Variants in BORA observed in about 807,000 individuals in gnomAD.
The protein encoded by BORA is BORA aurora kinase A activator.
In BORA, 26 loss-of-function variants were observed where a neutral mutation model predicts 55.8. The observed-to-expected ratio is 0.47, with a 90% CI of 0.34 to 0.65. The LOEUF (loss-of-function observed/expected upper bound fraction) is 0.65, where lower values mean the gene tolerates loss of function less well. Among genes scored for constraint, BORA ranks in the 30% least tolerant of loss-of-function variants. BORA has a pLI of 0.01. For missense variants in BORA, 568 were observed against 671.5 expected, an observed-to-expected ratio of 0.85 and a Z score of 1.70; for synonymous variants, 201 against 216.9, an observed-to-expected ratio of 0.93 and a Z score of 0.64.
At position 72,738,037 on chromosome 13, in the gene BORA, A is replaced by T; in HGVS notation, c.382A>T (p.Ser128Cys). 5.7e-6 allele frequency: 9 copies of T among 1,588,396 alleles called. No homozygotes were observed. The highest frequency in any genetic ancestry group is 7.7e-6 in the Non-Finnish European group (9 of 1,162,702). Residue 128 changes from serine (S) to cysteine (C), a missense_variant, in exon 5 of 12, where the codon AGT becomes TGT. Coordinates refer to ENST00000390667, the MANE Select transcript of BORA (RefSeq NM_024808.5). ...GAAACAGCTTTCACAATGTCATTCC[A>T]GTAAATGTGAGTGTACTAAAAATGA... ...EGKQLSQCHS[S>C]KCTNINSDSP...
chr13:72,754,608 T>C (rs180875077), intron 11 of BORA: 194 of 152,414 alleles, frequency 1.3e-3, no homozygotes, highest in Non-Finnish European at 2.1e-3. Flanking sequence ...GTATGTAGTA[T>C]CAGAGCAGGT....
chr13:72,732,009 A>G (rs1358818887), intron 3 of BORA, among the ~76,000 whole-genome samples: 1 of 152,192 alleles, frequency 6.6e-6, no homozygotes, highest in Non-Finnish European at 1.5e-5. Flanking sequence ...TTTTATTACA[A>G]AGTGTAAGGT....
At chr13:72,744,891 T>C in intron 7 of BORA, 90 bp from the exon 8 acceptor site, 1 of 1,203,038 alleles carries the variant, frequency 8.3e-7, no homozygotes, top group Non-Finnish European at 1.2e-6. Context: ...TCAAACATAG[T>C]GCATGCTGGC....
intron 4 of BORA, among the ~76,000 whole-genome samples, chr13:72,735,643 C>T (rs1240767574): frequency 2.6e-5 from 4 of 152,008 alleles, no homozygotes; most frequent in Admixed American, 6.6e-5. Context: ...GCGTTTCGTT[C>T]TTGTTGCCCA....
chr13:72,748,893 T>C (rs2033207338), intron 10 of BORA, among the ~76,000 whole-genome samples: 1 of 152,220 alleles, frequency 6.6e-6, no homozygotes, highest in Non-Finnish European at 1.5e-5. Flanking sequence ...TCAAACTATC[T>C]ATGCTTAATT....
intron 10 of BORA, among the ~76,000 whole-genome samples, chr13:72,747,620 A>AC (rs1460004755): frequency 1.3e-5 from 2 of 151,522 alleles, no homozygotes; most frequent in Non-Finnish European, 2.9e-5. Context: ...TGCAACCTCC[A>AC]CCTTCTGGGT....
intron 5 of BORA, among the ~76,000 whole-genome samples, chr13:72,741,345 G>T (rs2033029574): frequency 6.6e-6 from 1 of 152,114 alleles, no homozygotes; most frequent in South Asian, 2.1e-4. Context: ...TAGGTTATTT[G>T]ACATTCTAAA....
Position 72,755,343 on chromosome 13 carries a change from T to TTTTTCACATTAAGGAG in BORA, c.*127_*128insTTTTCACATTAAGGAG. On this transcript the variant is annotated 3_prime_UTR_variant, in exon 12 of 12. Coordinates refer to ENST00000390667, the MANE Select transcript of BORA (RefSeq NM_024808.5). ...AACATGCTTAGCTTTCCCTCCTTAA[T>TTTTTCACATTAAGGAG]GTGAAAAATCAAGGGCTTACTGACA... The TTTTTCACATTAAGGAG allele has an allele frequency of 2.8e-6, 2 of 723,164 alleles. No homozygotes were observed. The highest frequency in any genetic ancestry group is 4.5e-6 in the Non-Finnish European group (2 of 444,222). 44.8% of individuals were successfully genotyped at this position (723,164 alleles called of 1,614,324 possible).
intron 3 of BORA, among the ~76,000 whole-genome samples, 197 bp from the exon 4 acceptor site, chr13:72,734,763 C>T (rs7996083): frequency 0.87 from 131,724 of 152,170 alleles, 59,718 homozygotes; most frequent in Non-Finnish European, 0.99. Flanking sequence ...GTAAGCCTAA[C>T]AGCTAACTGC....
At chr13:72,742,135 A>G (rs952075123) in intron 5 of BORA, among the ~76,000 whole-genome samples, 2 of 152,018 alleles carry the variant, frequency 1.3e-5, no homozygotes, top group African/African-American at 4.8e-5. Context: ...ATAGTATTTC[A>G]CAGGGAAATT....
Position 72,755,421 on chromosome 13 carries a change from T to C in BORA, c.*205T>C, listed in dbSNP as rs1427729271. ...TTCAAGTTGCTGAATTATAAGTTTA[T>C]TTTTTATCAATAAATATTTTTATAC... On this transcript the variant is annotated 3_prime_UTR_variant, in exon 12 of 12. Transcript: ENST00000390667. 1.3e-5 allele frequency: 7 copies of C among 523,276 alleles called. No individual in the cohort carries two copies. The highest frequency in any genetic ancestry group is 8.6e-5 in the South Asian group (3 of 34,912). The allele number at this position is 523,276 out of a possible 1,614,324, so 32.4% of individuals were successfully genotyped here.
Position 72,745,257 on chromosome 13 carries a change from C to T in BORA, c.738+50C>T, listed in dbSNP as rs554111076. On this transcript the variant is annotated intron_variant, in intron 8 of 11. Transcript: ENST00000390667. Reference sequence around the variant, plus strand: ...TGGCTAATATGCTGTCAAGCTTGAACCCACATTTTGTTGTTGTTCTATCTT... The same window carrying T: ...TGGCTAATATGCTGTCAAGCTTGAATCCACATTTTGTTGTTGTTCTATCTT... 3.4e-6 allele frequency: 5 copies of T among 1,478,220 alleles called. No individual in the cohort carries two copies. The South Asian group carries it at 4.6e-5, about 14-fold the overall frequency. 91.6% of individuals were successfully genotyped at this position (1,478,220 alleles called of 1,614,324 possible).
intron 8 of BORA, 37 bp downstream of exon 8, chr13:72,745,244 T>G (rs374066950): frequency 8.4e-6 from 13 of 1,540,670 alleles, no homozygotes; most frequent in East Asian, 6.8e-5. Context: ...GCTAATATGC[T>G]GTCAAGCTTG....
rs758934408 is a variant in BORA at position 72,746,942 on chromosome 13, C to T, written c.1313C>T (p.Pro438Leu). The stretch of plus-strand genomic sequence containing the variant: ...AATAACACTGTGGATATGGTTGATC[C>T]TATAGAGATAGCAGATGAGACCACT... Reference protein sequence around the residue: ...KDNNTVDMVDPIEIADETTWI... With the variant: ...KDNNTVDMVDLIEIADETTWI... Residue 438 changes from proline (P) to leucine (L), a missense_variant, in exon 10 of 12, where the codon CCT (proline) becomes CTT (leucine). By Grantham distance (98) the Pro-to-Leu change is moderately conservative. Coordinates refer to ENST00000390667, the MANE Select transcript of BORA (RefSeq NM_024808.5). 2.5e-6 allele frequency: 4 copies of T among 1,614,062 alleles called. No homozygotes were observed. The highest frequency in any genetic ancestry group is 2.5e-6 in the Non-Finnish European group (3 of 1,179,976).
At chr13:72,728,119 G>A in intron 1 of BORA, 112 bp downstream of exon 1, 2 of 1,430,988 alleles carry the variant, frequency 1.4e-6, no homozygotes, top group Non-Finnish European at 1.9e-6. Context: ...GGAGCAGTCA[G>A]GGAGTAGGTG....
intron 10 of BORA, among the ~76,000 whole-genome samples, chr13:72,747,638 A>G (rs900586621): frequency 2.6e-5 from 4 of 151,974 alleles, no homozygotes; most frequent in South Asian, 2.1e-4. Flanking sequence ...GGTTCAAGCA[A>G]TTCTCCTGCC....
In BORA at chr13:72,746,853, A is replaced by G. The variant is rs2033160530; in HGVS notation, c.1224A>G (p.Gln408=). Residue 408 remains glutamine (Q), a synonymous_variant, in exon 10 of 12, where the codon CAA becomes CAG. Coordinates refer to ENST00000390667, the MANE Select transcript of BORA (RefSeq NM_024808.5). ...TTGTGACTGCCATGTCTGTTACACA[A>G]AATCAGTCCAGTGCTTCTGAGAAAG... The part of the protein sequence containing the change: ...HLVVTAMSVT[Q]NQSSASEKEL... 4 of 1,614,150 alleles carry G rather than the reference A, an allele frequency of 2.5e-6. No homozygotes were observed. Among genetic ancestry groups the G allele is most frequent in the East Asian group, 2.2e-5 (1 of 44,888 alleles).
At chr13:72,743,150 G>A (rs1324267171) in intron 5 of BORA, among the ~76,000 whole-genome samples, 1 of 152,164 alleles carries the variant, frequency 6.6e-6, no homozygotes, top group South Asian at 2.1e-4. Flanking sequence ...ATTGCTGAAA[G>A]TGGATTTTAA....
chr13:72,729,229 T>C, intron 2 of BORA, 136 bp downstream of exon 2: 1 of 775,828 alleles, frequency 1.3e-6, no homozygotes, highest in East Asian at 3.0e-5. Flanking sequence ...ATATACTTTT[T>C]TAAATTGTAG....
Sources: gnomAD v4.1 joint callset for allele counts (sites outside exome capture counted in the v4.1 genomes callset) on GRCh38, gnomAD v4.1.1 for gene constraint, MANE v1.5 for transcripts, NCBI Gene and HGNC (gene_info 2026-07-23, HGNC 2026-07-21) for gene names.